Variants in SCN8A observed in about 807,000 individuals in gnomAD.
The protein encoded by SCN8A is sodium voltage-gated channel alpha subunit 8.
A neutral mutation model predicts 184.1 loss-of-function variants in SCN8A; 30 were observed. That is an observed-to-expected ratio of 0.16 (90% confidence interval 0.12 to 0.22). The LOEUF (loss-of-function observed/expected upper bound fraction) is 0.22. Among genes scored for constraint, SCN8A ranks in the 10% least tolerant of loss-of-function variants. The pLI, the probability that SCN8A is intolerant of heterozygous loss-of-function variation, is 1.00. For synonymous variants in SCN8A, 852 were observed against 907.0 expected (o/e 0.94, Z 1.09); for missense variants, 1,057 against 2,498.9 (o/e 0.42, Z 12.30).
At chr12:51,603,770 A>G (rs1160928233) in intron 1 of SCN8A, among the ~76,000 whole-genome samples, 12 of 151,464 alleles carry the variant, frequency 7.9e-5, no homozygotes. Flanking sequence ...ATAGGTGTGT[A>G]GTGGTATCTC....
chr12:51,683,247 C>T (rs116131954), intron 2 of SCN8A, among the ~76,000 whole-genome samples: 2,799 of 152,234 alleles, frequency 0.018, 86 homozygotes, highest in African/African-American at 0.063. Flanking sequence ...ATGCTTGGCA[C>T]AGAATAGATG....
At position 51,592,051 on chromosome 12, in the gene SCN8A, C is replaced by T. The variant is rs1376168455; in HGVS notation, c.-55+692C>T. On this transcript the variant is annotated intron_variant, in intron 1 of 26. Coordinates refer to ENST00000627620, the MANE Select transcript of SCN8A (RefSeq NM_001330260.2). ...AGAATATCCCCTTCCCCCATCCCAC[C>T]CCCACCCCCACCCCCCACCCCCACG... 6.6e-5 allele frequency among the ~76,000 whole-genome samples: 8 copies of T among 122,126 alleles called. No individual in the cohort carries two copies. The East Asian group carries it at 2.2e-3, about 33-fold the overall frequency. 80.1% of individuals were successfully genotyped at this position (122,126 alleles called of 152,430 possible).
At chr12:51,786,460 A>G in intron 21 of SCN8A, 82 bp from the exon 22 acceptor site, 2 of 1,446,274 alleles carry the variant, frequency 1.4e-6, no homozygotes, top group Middle Eastern at 1.8e-4. Flanking sequence ...AAGCCACACA[A>G]TGTCATTCCC....
At chr12:51,602,821 A>G (rs1939497163) in intron 1 of SCN8A, among the ~76,000 whole-genome samples, 1 of 152,126 alleles carries the variant, frequency 6.6e-6, no homozygotes, top group East Asian at 1.9e-4. Context: ...ACCTATTCCT[A>G]TTAGAGTATT....
chr12:51,747,861 A>AT (rs1008736535), intron 13 of SCN8A, among the ~76,000 whole-genome samples: 1 of 36,386 alleles, frequency 2.7e-5, no homozygotes, highest in African/African-American at 6.9e-5. Flanking sequence ...CATCACACAC[A>AT]TTAAAAAAAA....
At chr12:51,611,745 C>T (rs2138578516) in intron 1 of SCN8A, among the ~76,000 whole-genome samples, 1 of 151,948 alleles carries the variant, frequency 6.6e-6, no homozygotes, top group Non-Finnish European at 1.5e-5. Context: ...TCCACCCACC[C>T]TGGCCTCCCA....
At chr12:51,775,624 C>T (rs911725235) in intron 20 of SCN8A, among the ~76,000 whole-genome samples, 1 of 152,210 alleles carries the variant, frequency 6.6e-6, no homozygotes, top group African/African-American at 2.4e-5. Context: ...CTGTACCCCC[C>T]ACAGACAGAA....
intron 24 of SCN8A, 107 bp from the exon 25 acceptor site, chr12:51,790,291 G>A: frequency 1.5e-6 from 1 of 679,434 alleles, no homozygotes; most frequent in Non-Finnish European, 2.4e-6. Context: ...TAGCTACAAA[G>A]GAAAGGGATA....
intron 26 of SCN8A, 59 bp downstream of exon 26, chr12:51,794,700 A>G (rs1358744231): frequency 6.6e-7 from 1 of 1,524,518 alleles, no homozygotes; most frequent in Non-Finnish European, 9.0e-7. Flanking sequence ...TGTGAGGATG[A>G]GATTTCCCAG....
chr12:51,701,520 A>G (rs1941687108), intron 8 of SCN8A, among the ~76,000 whole-genome samples: 1 of 152,212 alleles, frequency 6.6e-6, no homozygotes, highest in Non-Finnish European at 1.5e-5. Flanking sequence ...GAGAGCAAAG[A>G]TACCATCTTA....
intron 12 of SCN8A, among the ~76,000 whole-genome samples, chr12:51,732,742 G>A (rs1312225961): frequency 4.6e-5 from 7 of 152,006 alleles, no homozygotes; most frequent in South Asian, 2.1e-4. Context: ...AATTTCTTTC[G>A]TCAGTGTTTT....
rs115280671 is a variant in SCN8A at position 51,661,325 on chromosome 12, A to G, written c.-54-1439A>G. Reference sequence around the variant, plus strand: ...GTGGTTTTTGCGCAGCGTGAAGCCAACTGGTCTATGTGGGGCAAACTTGTG... The same window carrying G: ...GTGGTTTTTGCGCAGCGTGAAGCCAGCTGGTCTATGTGGGGCAAACTTGTG... On this transcript the variant is annotated intron_variant, in intron 1 of 26. Transcript: ENST00000627620. 9.5e-3 allele frequency among the ~76,000 whole-genome samples: 1,453 copies of G among 152,332 alleles called. 20 individuals carry two copies. Among genetic ancestry groups the G allele is most frequent in the African/African-American group, 0.032 (1,315 of 41,574 alleles).
intron 1 of SCN8A, among the ~76,000 whole-genome samples, chr12:51,638,488 C>CTT (rs764486546): frequency 7.2e-5 from 10 of 139,626 alleles, no homozygotes; most frequent in Non-Finnish European, 7.8e-5. Flanking sequence ...GGAGTTATTC[C>CTT]TTTTTTTTTT....
At chr12:51,631,761 C>T (rs1338183585) in intron 1 of SCN8A, among the ~76,000 whole-genome samples, 2 of 152,212 alleles carry the variant, frequency 1.3e-5, no homozygotes, top group Non-Finnish European at 2.9e-5. Context: ...GGGCCTGACT[C>T]ACAGGAGAGC....
intron 1 of SCN8A, among the ~76,000 whole-genome samples, chr12:51,617,084 G>A (rs896505816): frequency 6.6e-6 from 1 of 152,024 alleles, no homozygotes; most frequent in Non-Finnish European, 1.5e-5. Flanking sequence ...TTTGCACAAG[G>A]ATTTCTTTGA....
intron 1 of SCN8A, among the ~76,000 whole-genome samples, chr12:51,607,024 A>T (rs529861711): frequency 1.0e-3 from 154 of 151,934 alleles, no homozygotes; most frequent in African/African-American, 3.6e-3. Flanking sequence ...CAGCCTCCCA[A>T]GTAGCTGGGA....
intron 12 of SCN8A, among the ~76,000 whole-genome samples, chr12:51,741,241 T>A (rs1942417555): frequency 6.6e-6 from 1 of 152,262 alleles, no homozygotes; most frequent in African/African-American, 2.4e-5. Flanking sequence ...ATAATTTTTG[T>A]CTTAAAATCT....
chr12:51,637,994 C>A (rs1282814782), intron 1 of SCN8A, among the ~76,000 whole-genome samples: 2 of 152,104 alleles, frequency 1.3e-5, no homozygotes, highest in Non-Finnish European at 2.9e-5. Flanking sequence ...CGCTTATTTA[C>A]CATTCTGAAA....
intron 1 of SCN8A, among the ~76,000 whole-genome samples, chr12:51,600,746 A>G (rs1362929864): frequency 1.3e-5 from 2 of 152,246 alleles, no homozygotes; most frequent in Admixed American, 6.5e-5. Flanking sequence ...TTATCAGAAC[A>G]TGGACATCAA....
Sources: gnomAD v4.1 joint callset for allele counts (sites outside exome capture counted in the v4.1 genomes callset) on GRCh38, gnomAD v4.1.1 for gene constraint, MANE v1.5 for transcripts, NCBI Gene and HGNC (gene_info 2026-07-23, HGNC 2026-07-21) for gene names.